STOX2: variants seen among roughly 807,000 people sequenced by gnomAD.
STOX2 encodes storkhead-box protein 2.
STOX2 carries 28 observed loss-of-function variants against 60.9 expected under a neutral mutation model. That is an observed-to-expected ratio of 0.46 (90% CI 0.34 to 0.63). The LOEUF (loss-of-function observed/expected upper bound fraction) is 0.63, where lower values mean the gene tolerates loss of function less well. Ranked by LOEUF, STOX2 falls within the 30% of genes least tolerant of loss-of-function variation. The pLI, the probability that STOX2 is intolerant of heterozygous loss-of-function variation, is 0.01. For missense variants in STOX2, 1,024 were observed against 1,187.7 expected (o/e 0.86, Z 2.03); for synonymous variants, 472 against 463.9 (o/e 1.02, Z -0.22).
intron 1 of STOX2, among the ~76,000 whole-genome samples, chr4:183,999,773 T>C (rs537858425): frequency 2.4e-4 from 37 of 152,258 alleles, no homozygotes; most frequent in African/African-American, 8.7e-4. Flanking sequence ...TTTTTCCCCA[T>C]AGGGACTCTG....
chr4:184,007,579 T>G (rs942277537), intron 2 of STOX2, among the ~76,000 whole-genome samples: 2 of 152,214 alleles, frequency 1.3e-5, no homozygotes, highest in Non-Finnish European at 2.9e-5. Flanking sequence ...GAGGCTGAGC[T>G]GCCTAAGGTG....
At chr4:183,889,522 T>C (rs1198554269) in intron 1 of STOX2, among the ~76,000 whole-genome samples, 1 of 152,210 alleles carries the variant, frequency 6.6e-6, no homozygotes, top group Non-Finnish European at 1.5e-5. Context: ...GTGTGGTGTT[T>C]CGTTACAGCA....
At chr4:183,904,043 G>A (rs1301011436), upstream of STOX2, among the ~76,000 whole-genome samples, 1 of 152,238 alleles carries the variant, frequency 6.6e-6, no homozygotes, top group Non-Finnish European at 1.5e-5. Flanking sequence ...GGGAGACAGT[G>A]ATAGATCATC....
chr4:183,964,574 A>G (rs1299815373), intron 1 of STOX2, among the ~76,000 whole-genome samples: 1 of 152,178 alleles, frequency 6.6e-6, no homozygotes, highest in Admixed American at 6.5e-5. Flanking sequence ...GGTGTAAAAA[A>G]TTGGTGAGTC....
intron 1 of STOX2, among the ~76,000 whole-genome samples, chr4:183,935,003 A>G (rs532599450): frequency 6.6e-6 from 1 of 152,374 alleles, no homozygotes; most frequent in East Asian, 1.9e-4. Flanking sequence ...TGAAACAAGA[A>G]TCAACTCAGT....
intron 1 of STOX2, among the ~76,000 whole-genome samples, chr4:183,983,976 C>CTTCT (rs1352955441): frequency 6.6e-6 from 1 of 152,132 alleles, no homozygotes; most frequent in East Asian, 1.9e-4. Flanking sequence ...CCCCTCTTGC[C>CTTCT]TTCTCTTCCT....
chr4:184,010,026 G>A lies in STOX2; in HGVS notation c.1188G>A (p.Glu396=), dbSNP rs1734072767. ...ATCTGGATATCCCAGCTGAAAGAGA[G>A]TATGACTTTTGTGATCCTCTTACCA... The part of the protein sequence containing the change: ...GSHLDIPAER[E]YDFCDPLTRV... Residue 396 remains glutamate, a synonymous_variant, in exon 3 of 4, where the codon GAG becomes GAA. Transcript: ENST00000308497. This position sits in a 1 kb window ranked among gnomAD's most constrained non-coding sequence, Gnocchi z 4.5. 1.2e-6 allele frequency: 2 copies of A among 1,613,924 alleles called. No homozygotes were observed. Among genetic ancestry groups the A allele is most frequent in the African/African-American group, 1.3e-5 (1 of 75,058 alleles).
At chr4:183,941,370 C>T (rs1049261369) in intron 1 of STOX2, among the ~76,000 whole-genome samples, 2 of 152,152 alleles carry the variant, frequency 1.3e-5, no homozygotes, top group Admixed American at 1.3e-4. Flanking sequence ...GAGTTTGAGA[C>T]CAGTCTGGGT....
Position 184,001,158 on chromosome 4 carries a change from G to A in STOX2, c.167-167G>A, listed in dbSNP as rs1733574998. ...CGTGTGGAAGTCTTTCCACCTGAGT[G>A]GAATTGGCTGTGGCTTCTGTGTTCA... On this transcript the variant is annotated intron_variant, in intron 1 of 3. Coordinates refer to ENST00000308497, the MANE Select transcript of STOX2 (RefSeq NM_020225.3). This position sits in a 1 kb window ranked among gnomAD's most constrained non-coding sequence, Gnocchi z 4.2. Among the ~76,000 whole-genome samples the A allele has an allele frequency of 6.6e-6, 1 of 152,210 alleles. No individual in the cohort carries two copies. The highest frequency in any genetic ancestry group is 2.4e-5 in the African/African-American group (1 of 41,452).
intron 2 of STOX2, among the ~76,000 whole-genome samples, chr4:184,008,062 G>C (rs1733953062): frequency 6.6e-6 from 1 of 152,170 alleles, no homozygotes; most frequent in Non-Finnish European, 1.5e-5. Context: ...ACCTTACACT[G>C]CCTTATTCGT....
intron 1 of STOX2, among the ~76,000 whole-genome samples, chr4:183,962,285 T>C (rs920536451): frequency 6.6e-6 from 1 of 152,162 alleles, no homozygotes; most frequent in Non-Finnish European, 1.5e-5. Context: ...TTAATCGTCA[T>C]AGGAAGACAA....
chr4:183,969,778 C>T (rs1743685102), intron 1 of STOX2, among the ~76,000 whole-genome samples: 1 of 152,162 alleles, frequency 6.6e-6, no homozygotes, highest in African/African-American at 2.4e-5. Context: ...CACCACCACG[C>T]CTGGCTAATT....
At chr4:183,912,392 C>T (rs527579644) in intron 1 of STOX2, among the ~76,000 whole-genome samples, 8 of 152,308 alleles carry the variant, frequency 5.3e-5, no homozygotes, top group African/African-American at 1.7e-4. Context: ...TTCTCTTTCC[C>T]CCACTGTTCA....
intron 1 of STOX2, among the ~76,000 whole-genome samples, chr4:183,852,701 G>A (rs1276052767): frequency 6.6e-6 from 1 of 152,142 alleles, no homozygotes; most frequent in Non-Finnish European, 1.5e-5. Flanking sequence ...TGCATTTAGC[G>A]GTGGAACTTT....
At chr4:183,925,075 A>T (rs1742202803) in intron 1 of STOX2, among the ~76,000 whole-genome samples, 1 of 152,206 alleles carries the variant, frequency 6.6e-6, no homozygotes, top group Non-Finnish European at 1.5e-5. Context: ...AGAAGGATCT[A>T]GAGTAATGAG....
Position 184,009,395 on chromosome 4 carries a change from T to A in STOX2, c.557T>A (p.Val186Asp). The A allele has an allele frequency of 6.2e-7, 1 of 1,614,012 alleles. No individual in the cohort carries two copies. The highest frequency in any genetic ancestry group is 1.7e-5 in the Admixed American group (1 of 60,022). Residue 186 changes from valine to aspartate, a missense_variant, in exon 3 of 4, where the codon GTC becomes GAC. By Grantham distance (152) the Val-to-Asp change is radical. Transcript: ENST00000308497. The surrounding 1 kb of genome is among the most constrained non-coding windows in gnomAD (Gnocchi z 4.0). ...GTITPSASGC[V>D]RERTLPRNHC... ...ATCACGCCCTCTGCCTCAGGCTGTG[T>A]CAGGGAAAGGACATTGCCCCGAAAC...
intron 1 of STOX2, among the ~76,000 whole-genome samples, chr4:183,868,205 G>T (rs1434643405): frequency 1.3e-5 from 2 of 151,992 alleles, no homozygotes; most frequent in South Asian, 4.2e-4. Flanking sequence ...TGCTAATACA[G>T]TTTAGTGACA....
chr4:183,967,255 G>A (rs1307399453), intron 1 of STOX2, among the ~76,000 whole-genome samples: 2 of 152,002 alleles, frequency 1.3e-5, no homozygotes, highest in African/African-American at 4.8e-5. Context: ...CCAGCTACTC[G>A]GGAGGCTGAG....
intron 1 of STOX2, among the ~76,000 whole-genome samples, chr4:183,975,566 A>G (rs1237458852): frequency 1.3e-5 from 2 of 152,140 alleles, no homozygotes; most frequent in Non-Finnish European, 2.9e-5. Context: ...ATTCAACAAT[A>G]TAGATGAAAT....
Sources: gnomAD v4.1 joint callset for allele counts (sites outside exome capture counted in the v4.1 genomes callset) on GRCh38, gnomAD v4.1.1 for gene constraint, Gnocchi (gnomAD v3.1) non-coding constraint, MANE v1.5 for transcripts, NCBI Gene and HGNC (gene_info 2026-07-23, HGNC 2026-07-21) for gene names.